The following GRM1 variants were observed in gnomAD, a reference collection of about 807,000 sequenced individuals.
GRM1 encodes glutamate metabotropic receptor 1.
In GRM1, 33 loss-of-function variants were observed where a neutral mutation model predicts 90.9. The observed-to-expected ratio is 0.36, with a 90% CI of 0.28 to 0.49. The LOEUF is 0.49. GRM1 is among the 20% of genes least tolerant of loss of function. GRM1 has a pLI of 0.99. For synonymous variants in GRM1, 700 were observed against 613.2 expected (o/e 1.14, Z -2.09); for missense variants, 1,190 against 1,534.3 (o/e 0.78, Z 3.75).
At chr6:146,192,539 A>G (rs1014330019) in intron 2 of GRM1, among the ~76,000 whole-genome samples, 7 of 152,206 alleles carry the variant, frequency 4.6e-5, no homozygotes, top group South Asian at 2.1e-4. Context: ...TAAGTATGAA[A>G]TTAAAATAAT....
chr6:146,307,924 G>C (rs1783637447), intron 3 of GRM1, among the ~76,000 whole-genome samples: 1 of 152,158 alleles, frequency 6.6e-6, no homozygotes, highest in Non-Finnish European at 1.5e-5. Context: ...TTCATGTAAA[G>C]TACACATCAC....
chr6:146,321,587 A>G (rs534086468), intron 3 of GRM1, among the ~76,000 whole-genome samples: 5 of 151,432 alleles, frequency 3.3e-5, no homozygotes, highest in Non-Finnish European at 7.4e-5. Context: ...TCCCACTATT[A>G]TTATGTGGGA....
intron 2 of GRM1, among the ~76,000 whole-genome samples, chr6:146,244,633 G>T (rs112716112): frequency 0.012 from 1,794 of 152,264 alleles, 24 homozygotes; most frequent in African/African-American, 0.041. Flanking sequence ...GGTAGCCTAC[G>T]AATCAGACCA....
chr6:146,386,999 C>T lies in GRM1; in HGVS notation c.1712C>T (p.Pro571Leu). Residue 571 changes from proline to leucine, a missense_variant, in exon 6 of 8, where the codon CCC becomes CTC. Pro to Leu is a moderately conservative substitution (Grantham distance 98). This residue lies in a region of GRM1 where 414 missense variants were observed against 598.4 expected (regional missense o/e 0.69). Transcript: ENST00000282753. ...TCKACDLGWW[P>L]NADLTGCEPI... Reference sequence around the variant, plus strand: ...AAAGCTTGTGACTTGGGATGGTGGCCCAATGCAGATCTAACAGGTAGGAAC... The same window carrying T: ...AAAGCTTGTGACTTGGGATGGTGGCTCAATGCAGATCTAACAGGTAGGAAC... 2 of 1,612,992 alleles carry T rather than the reference C, an allele frequency of 1.2e-6. No individual in the cohort carries two copies. Among genetic ancestry groups the T allele is most frequent in the Non-Finnish European group, 8.5e-7 (1 of 1,179,216 alleles).
intron 2 of GRM1, among the ~76,000 whole-genome samples, chr6:146,292,374 A>T (rs897065474): frequency 2.6e-5 from 4 of 151,970 alleles, no homozygotes; most frequent in Admixed American, 6.6e-5. Flanking sequence ...TGGAAGAAAT[A>T]TTTGCAAATT....
At chr6:146,031,641 AATC>A (rs1453877978) in intron 1 of GRM1, among the ~76,000 whole-genome samples, 2 of 152,160 alleles carry the variant, frequency 1.3e-5, no homozygotes, top group African/African-American at 2.4e-5. Flanking sequence ...CTTGATTTTT[AATC>A]ATGAACTGCG....
intron 7 of GRM1, among the ~76,000 whole-genome samples, chr6:146,429,525 A>G (rs1778330103): frequency 6.6e-6 from 1 of 152,156 alleles, no homozygotes; most frequent in South Asian, 2.1e-4. Flanking sequence ...GAGATTCTAC[A>G]AGACCTACTT....
At chr6:146,354,168 G>A (rs1269320844) in intron 4 of GRM1, among the ~76,000 whole-genome samples, 1 of 152,202 alleles carries the variant, frequency 6.6e-6, no homozygotes, top group African/African-American at 2.4e-5. Flanking sequence ...CTAGTTAGAT[G>A]GGAGCAGGTT....
intron 2 of GRM1, among the ~76,000 whole-genome samples, chr6:146,253,462 C>T (rs1781372768): frequency 6.6e-6 from 1 of 152,128 alleles, no homozygotes; most frequent in Admixed American, 6.6e-5. Context: ...CTGAATTACT[C>T]AGTTTATTTC....
rs1324682256 is a variant in GRM1 at position 146,029,523 on chromosome 6, C to G, written c.6C>G (p.Val2=). Residue 2 remains valine (V), a synonymous_variant, in exon 1 of 8, where the codon GTC becomes GTG. Transcript: ENST00000282753. The stretch of plus-strand genomic sequence containing the variant: ...TGGACCTCGTCCTCACCACCATGGT[C>G]GGGCTCCTTTTGTTTTTTTTCCCAG... M[V]GLLLFFFPAI... The G allele has an allele frequency of 6.2e-7, 1 of 1,613,348 alleles. No homozygotes were observed. Among genetic ancestry groups the G allele is most frequent in the Non-Finnish European group, 8.5e-7 (1 of 1,179,354 alleles).
chr6:146,375,737 G>T (rs1776075262), intron 5 of GRM1, among the ~76,000 whole-genome samples: 1 of 152,040 alleles, frequency 6.6e-6, no homozygotes, highest in Non-Finnish European at 1.5e-5. Context: ...CATTAGCACG[G>T]ATTATCTTTT....
At position 146,105,879 on chromosome 6, in the gene GRM1, A is replaced by G. The variant is rs955260512; in HGVS notation, c.701-53469A>G. Among the ~76,000 whole-genome samples the G allele has an allele frequency of 2.6e-5, 4 of 152,142 alleles. No homozygotes were observed. In the South Asian group the frequency reaches 8.3e-4, roughly 32 times the overall value. On this transcript the variant is annotated intron_variant, in intron 1 of 7. Transcript: ENST00000282753. ...ACAGGCTTGGAGACTCAATGTCAGT[A>G]CCCAGGTCACACAGTTAGTGGAAAG...
At chr6:146,304,394 A>G (rs149983009) in intron 2 of GRM1, among the ~76,000 whole-genome samples, 121 of 152,290 alleles carry the variant, frequency 7.9e-4, no homozygotes, top group African/African-American at 2.9e-3. Flanking sequence ...TCATCATCTC[A>G]TCATCACTTT....
chr6:146,036,006 T>G (rs140961938), intron 1 of GRM1, among the ~76,000 whole-genome samples: 3 of 152,122 alleles, frequency 2.0e-5, no homozygotes, highest in African/African-American at 7.2e-5. Context: ...AAGCTGTCCT[T>G]CATAGGGTAG....
rs978079687 is a variant in GRM1 at position 146,064,659 on chromosome 6, CT to C, written c.700+34453del. Among the ~76,000 whole-genome samples the C allele has an allele frequency of 1.5e-3, 217 of 144,084 alleles. 2 individuals carry two copies. Among genetic ancestry groups the C allele is most frequent in the East Asian group, 2.8e-3 (14 of 4,958 alleles). The allele number at this position is 144,084 out of a possible 152,430, so 94.5% of individuals were successfully genotyped here. On this transcript the variant is annotated intron_variant, in intron 1 of 7. Coordinates refer to ENST00000282753, the MANE Select transcript of GRM1 (RefSeq NM_001278064.2). ...TAAAAAACAAGGGGTCAGATTTGTT[CT>C]TTTTTTTTTTCCCCCAGCTACTGGA...
At chr6:146,388,797 C>T (rs951334715) in intron 6 of GRM1, among the ~76,000 whole-genome samples, 15 of 152,050 alleles carry the variant, frequency 9.9e-5, no homozygotes, top group Admixed American at 5.2e-4. Context: ...CACTCTCTGG[C>T]GCATAGCCTG....
chr6:146,245,640 G>C (rs1781031832), intron 2 of GRM1, among the ~76,000 whole-genome samples: 1 of 152,024 alleles, frequency 6.6e-6, no homozygotes, highest in African/African-American at 2.4e-5. Flanking sequence ...CAAACATATA[G>C]TGAATACATT....
At chr6:146,409,108 AG>A (rs1445952281) in intron 7 of GRM1, among the ~76,000 whole-genome samples, 2 of 152,168 alleles carry the variant, frequency 1.3e-5, no homozygotes, top group Non-Finnish European at 2.9e-5. Flanking sequence ...AAATAATATC[AG>A]GTATCTCATA....
At chr6:146,319,342 A>G (rs1784088325) in intron 3 of GRM1, among the ~76,000 whole-genome samples, 1 of 152,196 alleles carries the variant, frequency 6.6e-6, no homozygotes, top group Non-Finnish European at 1.5e-5. Flanking sequence ...ATGTTTTGGT[A>G]CCAGTACCTG....
Sources: allele counts gnomAD v4.1 joint callset (sites outside exome capture counted in the v4.1 genomes callset), GRCh38; gene constraint gnomAD v4.1.1; regional missense constraint gnomAD v4.1.1; transcripts MANE v1.5; gene names NCBI Gene and HGNC (gene_info 2026-07-23, HGNC 2026-07-21).